Variants in ETFA observed in about 807,000 individuals in gnomAD.
ETFA encodes the protein electron transfer flavoprotein subunit alpha.
Under a neutral mutation model 46.2 loss-of-function variants are expected in ETFA, and 22 were observed. The observed-to-expected ratio is 0.48, with a 90% CI of 0.34 to 0.68. The LOEUF is 0.68. Among genes scored for constraint, ETFA ranks in the 30% least tolerant of loss-of-function variants. The pLI is 0.01. For missense variants in ETFA, 345 were observed against 401.1 expected, an observed-to-expected ratio of 0.86 and a Z score of 1.19; for synonymous variants, 131 against 139.9, an observed-to-expected ratio of 0.94 and a Z score of 0.45.
chr15:76,262,964 A>ATC (rs1596206476), intron 9 of ETFA, among the ~76,000 whole-genome samples: 1 of 152,178 alleles, frequency 6.6e-6, no homozygotes, highest in East Asian at 1.9e-4. Flanking sequence ...CTAAGAATAG[A>ATC]TGTGTCAGGA....
rs748292211 is a variant in ETFA at position 76,225,927 on chromosome 15, T to C, written c.885A>G (p.Thr295=). The stretch of plus-strand genomic sequence containing the variant: ...CTGGGTCTTTATTAATTGCCACAAT[T>C]GTCTGTGAAATAAAAACAAAGAGTT... ...QHLAGMKDSK[T]IVAINKDPEA... Residue 295 remains threonine (T), a splice_region_variant and synonymous_variant, in exon 11 of 12, where the codon ACA becomes ACG. Transcript: ENST00000557943. 1 of 1,598,214 alleles carries C rather than the reference T, an allele frequency of 6.3e-7. No homozygotes were observed. Among genetic ancestry groups the C allele is most frequent in the South Asian group, 1.1e-5 (1 of 90,734 alleles).
intron 5 of ETFA, among the ~76,000 whole-genome samples, chr15:76,287,289 A>G (rs564264901): frequency 1.3e-5 from 2 of 152,222 alleles, no homozygotes; most frequent in East Asian, 3.9e-4. Flanking sequence ...CAGCCTCCCA[A>G]GTATCTGTGA....
intron 9 of ETFA, among the ~76,000 whole-genome samples, chr15:76,268,786 T>C (rs556282700): frequency 1.8e-4 from 27 of 152,168 alleles, no homozygotes; most frequent in Non-Finnish European, 3.5e-4. Context: ...CTAAGAAAAA[T>C]GAAGCTGGAT....
chr15:76,279,562 T>A (rs1433165783), intron 8 of ETFA, among the ~76,000 whole-genome samples: 1 of 151,996 alleles, frequency 6.6e-6, no homozygotes, highest in Non-Finnish European at 1.5e-5. Flanking sequence ...CAGGTGCGAG[T>A]CACTGCACCT....
intron 9 of ETFA, among the ~76,000 whole-genome samples, chr15:76,247,230 T>C (rs2141478842): frequency 6.6e-6 from 1 of 152,332 alleles, no homozygotes. Flanking sequence ...TTTGTAGGAG[T>C]GCACATTTAA....
At chr15:76,243,601 C>T (rs2039213743) in intron 9 of ETFA, among the ~76,000 whole-genome samples, 1 of 151,890 alleles carries the variant, frequency 6.6e-6, no homozygotes, top group African/African-American at 2.4e-5. Context: ...GAGTTTGAGA[C>T]CAGCCTGGCC....
intron 9 of ETFA, among the ~76,000 whole-genome samples, chr15:76,246,794 C>T (rs1451978928): frequency 6.6e-6 from 1 of 151,572 alleles, no homozygotes; most frequent in Non-Finnish European, 1.5e-5. Flanking sequence ...GATCATGCCA[C>T]TGCACTCCAG....
intron 10 of ETFA, chr15:76,228,751 CTTT>C (rs990306452): frequency 1.1e-3 from 132 of 115,236 alleles, no homozygotes; most frequent in South Asian, 6.4e-3. Flanking sequence ...ATTATTATTA[CTTT>C]TTTTTTTTTT....
At chr15:76,301,428 T>G (rs1596227140) in intron 1 of ETFA, among the ~76,000 whole-genome samples, 1 of 152,328 alleles carries the variant, frequency 6.6e-6, no homozygotes, top group Non-Finnish European at 1.5e-5. Context: ...AACTCTTCGT[T>G]GGCCAGTCGC....
intron 4 of ETFA, among the ~76,000 whole-genome samples, chr15:76,290,949 C>T (rs2039754913): frequency 6.6e-6 from 1 of 152,144 alleles, no homozygotes; most frequent in Non-Finnish European, 1.5e-5. Flanking sequence ...AGCACAGTGA[C>T]TTATGTCTGT....
chr15:76,258,623 G>A (rs1567205966), intron 9 of ETFA, among the ~76,000 whole-genome samples: 1 of 152,346 alleles, frequency 6.6e-6, no homozygotes, highest in East Asian at 1.9e-4. Flanking sequence ...AGCAGCAGGA[G>A]CAGCTCAGCG....
intron 11 of ETFA, among the ~76,000 whole-genome samples, chr15:76,225,280 G>GT (rs140575261): frequency 2.8e-4 from 42 of 151,686 alleles, no homozygotes; most frequent in Non-Finnish European, 1.5e-5. Context: ...AACCATGTGG[G>GT]TTTTTTTTGT....
Position 76,274,416 on chromosome 15 carries a change from GCTA to G in ETFA, c.809_811del (p.Val270del), listed in dbSNP as rs779140971. The stretch of plus-strand genomic sequence containing the variant: ...ATATTTTATTGCAATACTTACTGGT[GCTA>G]CTATTTTTCCCGTCTGTCCAACTTG... On this transcript the variant is annotated inframe_deletion, in exon 9 of 12. Coordinates refer to ENST00000557943, the MANE Select transcript of ETFA (RefSeq NM_000126.4). 66 of 1,605,790 alleles carry G rather than the reference GCTA, an allele frequency of 4.1e-5. No individual in the cohort carries two copies. The highest frequency in any genetic ancestry group is 5.6e-5 in the Non-Finnish European group (66 of 1,174,472).
At chr15:76,260,811 C>T (rs2039402968) in intron 9 of ETFA, 1 of 1,607,828 alleles carries the variant, frequency 6.2e-7, no homozygotes. Flanking sequence ...ATTGGCACAG[C>T]ACACCCTGAG....
rs2039071690 is a variant in ETFA at position 76,231,997 on chromosome 15, CACAT to C, written c.817-603_817-600del. Reference sequence around the variant, plus strand: ...AAGAGATTTTAAACACACACACGTACACATACACACACACACACACACATTCTCT... The same window carrying C: ...AAGAGATTTTAAACACACACACGTACACACACACACACACACACATTCTCT... On this transcript the variant is annotated intron_variant, in intron 9 of 11. Coordinates refer to ENST00000557943, the MANE Select transcript of ETFA (RefSeq NM_000126.4). 2.0e-5 allele frequency among the ~76,000 whole-genome samples: 3 copies of C among 152,024 alleles called. No homozygotes were observed. The South Asian group carries it at 6.2e-4, about 32-fold the overall frequency.
At chr15:76,264,350 T>C (rs2039448871) in intron 9 of ETFA, among the ~76,000 whole-genome samples, 1 of 152,340 alleles carries the variant, frequency 6.6e-6, no homozygotes, top group African/African-American at 2.4e-5. Flanking sequence ...CCTGTGCTTG[T>C]TTCCTTTTAA....
At position 76,270,821 on chromosome 15, in the gene ETFA, C is replaced by A. The variant is rs1293442655; in HGVS notation, c.816+3591G>T. 2.0e-5 allele frequency among the ~76,000 whole-genome samples: 3 copies of A among 152,100 alleles called. 1 individual carries two copies. In the East Asian group the frequency reaches 5.8e-4, roughly 29 times the overall value. The stretch of plus-strand genomic sequence containing the variant: ...AATAATGACAACCATAGATTTTTAC[C>A]CATTGAATAAAATAGGTACCATAAG... On this transcript the variant is annotated intron_variant, in intron 9 of 11. Coordinates refer to ENST00000557943, the MANE Select transcript of ETFA (RefSeq NM_000126.4).
chr15:76,295,595 T>A lies in ETFA; in HGVS notation c.182A>T (p.Asp61Val). 6.2e-7 allele frequency: 1 copy of A among 1,613,646 alleles called. No individual in the cohort carries two copies. The highest frequency in any genetic ancestry group is 8.5e-7 in the Non-Finnish European group (1 of 1,179,614). Residue 61 changes from aspartate (D) to valine (V), a missense_variant, in exon 2 of 12, where the codon GAC becomes GTC. Physicochemically the swap from Asp to Val is radical, Grantham distance 152. Coordinates refer to ENST00000557943, the MANE Select transcript of ETFA (RefSeq NM_000126.4). ...VSCLVAGTKCDKVAQDLCKVA... is the reference protein window; with the variant it reads ...VSCLVAGTKCVKVAQDLCKVA... ...CTGACCTTAAAAATTTCTCACCTTG[T>A]CACATTTGGTTCCAGCTACTAAGCA...
rs17458575 is a variant in ETFA, at chr15:76,297,996, T to C, written c.40-2259A>G. ...GGCCTGAACTTTTAAAATGTTATTC[T>C]ACAATCTAAAGCCCATCTGCAAATT... On this transcript the variant is annotated intron_variant, in intron 1 of 11. Transcript: ENST00000557943. Among the ~76,000 whole-genome samples the C allele has an allele frequency of 9.5e-3, 1,448 of 152,208 alleles. 15 individuals are homozygous for C. The highest frequency in any genetic ancestry group is 0.024 in the South Asian group (118 of 4,828).
Sources: allele counts gnomAD v4.1 joint callset (sites outside exome capture counted in the v4.1 genomes callset), GRCh38; gene constraint gnomAD v4.1.1; transcripts MANE v1.5; gene names NCBI Gene and HGNC (gene_info 2026-07-23, HGNC 2026-07-21).